Variants in BRAF observed in about 807,000 individuals in gnomAD.
BRAF encodes the protein B-Raf proto-oncogene, serine/threonine kinase.
In BRAF, 16 loss-of-function variants were observed where a neutral mutation model predicts 104.6. The ratio of observed to expected loss-of-function variants is 0.15; its 90% CI spans 0.10 to 0.23. The LOEUF is 0.23. Among genes scored for constraint, BRAF ranks in the 10% least tolerant of loss-of-function variants. BRAF has a pLI of 1.00. For missense variants in BRAF, 541 were observed against 937.3 expected (o/e 0.58, Z 5.52); for synonymous variants, 310 against 341.6 (o/e 0.91, Z 1.02).
chr7:140,851,920 TATAG>T (rs1482474837), intron 1 of BRAF, among the ~76,000 whole-genome samples: 2 of 152,232 alleles, frequency 1.3e-5, no homozygotes, highest in African/African-American at 4.8e-5. Flanking sequence ...CATATTCATT[TATAG>T]ATAGTCTTTA....
chr7:140,810,829 A>C (rs542375231), intron 3 of BRAF, among the ~76,000 whole-genome samples: 1 of 152,194 alleles, frequency 6.6e-6, no homozygotes, highest in Non-Finnish European at 1.5e-5. Flanking sequence ...TCTCCAACTG[A>C]GGTTGAACAG....
intron 1 of BRAF, among the ~76,000 whole-genome samples, chr7:140,915,946 AG>A (rs1817582193): frequency 6.6e-6 from 1 of 151,984 alleles, no homozygotes; most frequent in Non-Finnish European, 1.5e-5. Context: ...CAGGATTTCG[AG>A]ACTAGCCTGA....
intron 1 of BRAF, among the ~76,000 whole-genome samples, chr7:140,866,459 AC>A (rs1282675067): frequency 1.8e-4 from 27 of 152,206 alleles, no homozygotes; most frequent in Non-Finnish European, 2.9e-5. Flanking sequence ...TGAATTTGGA[AC>A]TTACCCCACT....
At chr7:140,762,124 A>G (rs1798798511) in intron 14 of BRAF, among the ~76,000 whole-genome samples, 1 of 152,206 alleles carries the variant, frequency 6.6e-6, no homozygotes, top group South Asian at 2.1e-4. Context: ...TCCAAAACTG[A>G]CCACATACTT....
intron 1 of BRAF, among the ~76,000 whole-genome samples, chr7:140,894,451 G>A (rs945622961): frequency 6.6e-6 from 1 of 152,032 alleles, no homozygotes; most frequent in African/African-American, 2.4e-5. Context: ...TTTTTTCAAT[G>A]ACAAGGTTTA....
intron 14 of BRAF, among the ~76,000 whole-genome samples, chr7:140,772,393 C>T (rs1799939815): frequency 2.6e-5 from 4 of 152,126 alleles, no homozygotes. Flanking sequence ...GAGGCGGAGG[C>T]AGTGGCTCGC....
At chr7:140,794,063 AT>A (rs1802275399) in intron 8 of BRAF, among the ~76,000 whole-genome samples, 1 of 152,228 alleles carries the variant, frequency 6.6e-6, no homozygotes, top group African/African-American at 2.4e-5. Context: ...GATGACTTTT[AT>A]AGAGATGGTA....
chr7:140,717,492 C>T (rs965488941), downstream of BRAF, among the ~76,000 whole-genome samples: 23 of 152,232 alleles, frequency 1.5e-4, no homozygotes, highest in African/African-American at 4.1e-4. Context: ...AAGTGATCCT[C>T]CCACTTTAGC....
intron 1 of BRAF, among the ~76,000 whole-genome samples, chr7:140,865,822 G>A (rs1810904294): frequency 6.6e-6 from 1 of 152,186 alleles, no homozygotes; most frequent in East Asian, 1.9e-4. Flanking sequence ...AAATCAATAA[G>A]CAGAAACTAT....
At chr7:140,792,492 T>C (rs1329405716) in intron 8 of BRAF, among the ~76,000 whole-genome samples, 1 of 152,218 alleles carries the variant, frequency 6.6e-6, no homozygotes, top group Non-Finnish European at 1.5e-5. Flanking sequence ...TTACATTCCA[T>C]GTAAAGGCAC....
chr7:140,748,589 A>C (rs1231108461), intron 17 of BRAF, among the ~76,000 whole-genome samples: 1 of 152,200 alleles, frequency 6.6e-6, no homozygotes, highest in Non-Finnish European at 1.5e-5. Flanking sequence ...ATCTCTCTAC[A>C]CACACAATCA....
intron 19 of BRAF, chr7:140,731,907 C>T (rs1033721851): frequency 4.0e-5 from 6 of 151,860 alleles, no homozygotes; most frequent in Non-Finnish European, 8.8e-5. Context: ...CGCGGTGGCT[C>T]ACGCCTGTAA....
At chr7:140,735,558 ATT>A in intron 18 of BRAF, among the ~76,000 whole-genome samples, 1 of 145,392 alleles carries the variant, frequency 6.9e-6, no homozygotes. Context: ...TGAGATACCA[ATT>A]TTTTTTTTTT....
chr7:140,844,647 T>C (rs1267603), intron 2 of BRAF, among the ~76,000 whole-genome samples: 45,662 of 152,166 alleles, frequency 0.3, 10,943 homozygotes, highest in African/African-American at 0.67. Flanking sequence ...ACATGGAGGC[T>C]GAGCACAGTG....
intron 1 of BRAF, among the ~76,000 whole-genome samples, chr7:140,889,282 T>TA (rs1389207182): frequency 6.6e-6 from 1 of 152,216 alleles, no homozygotes; most frequent in Non-Finnish European, 1.5e-5. Context: ...CACACTATTA[T>TA]AATAACGAAC....
intron 1 of BRAF, among the ~76,000 whole-genome samples, chr7:140,909,329 G>A (rs1816702020): frequency 6.6e-6 from 1 of 152,160 alleles, no homozygotes; most frequent in Admixed American, 6.5e-5. Flanking sequence ...GGAGGCTGAG[G>A]CAGGAGAATC....
intron 14 of BRAF, among the ~76,000 whole-genome samples, chr7:140,756,351 G>A (rs567680328): frequency 1.6e-4 from 25 of 152,218 alleles, no homozygotes; most frequent in Middle Eastern, 6.8e-3. Flanking sequence ...AAGAGTAGAA[G>A]TCCAGGTCTG....
At chr7:140,777,241 T>C (rs188449133) in intron 13 of BRAF, among the ~76,000 whole-genome samples, 153 bp from the exon 13 acceptor site, 1 of 152,190 alleles carries the variant, frequency 6.6e-6, no homozygotes. Flanking sequence ...TAGAAGAGAC[T>C]GGCAATTGCC....
chr7:140,717,283 GT>G (rs1554493282), downstream of BRAF, among the ~76,000 whole-genome samples: 24 of 148,770 alleles, frequency 1.6e-4, no homozygotes, highest in African/African-American at 2.2e-4. Context: ...AGTTGGACCA[GT>G]TTTTTTTTTT....
Sources: gnomAD v4.1 joint callset for allele counts (sites outside exome capture counted in the v4.1 genomes callset) on GRCh38, gnomAD v4.1.1 for gene constraint, MANE v1.5 for transcripts, NCBI Gene and HGNC (gene_info 2026-07-23, HGNC 2026-07-21) for gene names.